Variants in SMARCA1 observed in about 807,000 individuals in gnomAD.
SMARCA1 encodes SWI/SNF-related matrix-associated actin-dependent regulator of chromatin subfamily A member 1.
SMARCA1 carries 17 observed loss-of-function variants against 93.6 expected under a neutral mutation model. That is an observed-to-expected ratio of 0.18 (90% CI 0.12 to 0.27). The LOEUF is 0.27. Among genes scored for constraint, SMARCA1 ranks in the 10% least tolerant of loss-of-function variants. The pLI is 1.00. For synonymous variants in SMARCA1, 271 were observed against 271.4 expected (o/e 1.00, Z 0.01); for missense variants, 630 against 819.0 (o/e 0.77, Z 2.82).
intron 6 of SMARCA1, among the ~76,000 whole-genome samples, chrX:129,510,757 T>C (rs1421020503): frequency 3.6e-5 from 4 of 111,818 alleles, no homozygotes; most frequent in African/African-American, 1.3e-4. Context: ...GCAAAGTTTA[T>C]ATGGAGTGGT....
At chrX:129,514,748 C>T (rs1935131452) in intron 5 of SMARCA1, among the ~76,000 whole-genome samples, 1 of 111,444 alleles carries the variant, frequency 9.0e-6, no homozygotes, top group Non-Finnish European at 1.9e-5. Context: ...ACAGGGCAGA[C>T]CATTAAAGGT....
At chrX:129,499,885 A>G (rs754558914) in intron 9 of SMARCA1, 44 bp from the exon 10 acceptor site, 7 of 602,870 alleles carry the variant, frequency 1.2e-5, no homozygotes, top group East Asian at 3.8e-5. Flanking sequence ...AACATTTAAT[A>G]TGATTAATAA....
At chrX:129,494,601 G>A (rs926911096) in intron 12 of SMARCA1, among the ~76,000 whole-genome samples, 1 of 111,343 alleles carries the variant, frequency 9.0e-6, no homozygotes, top group African/African-American at 3.3e-5. Flanking sequence ...GGCTAAGAGA[G>A]AGTCCTTGTA....
chrX:129,468,802 T>A lies in SMARCA1; in HGVS notation c.2669A>T (p.Lys890Ile). 8.4e-7 allele frequency: 1 copy of A among 1,187,571 alleles called. No homozygotes were observed. Among genetic ancestry groups the A allele is most frequent in the South Asian group, 1.8e-5 (1 of 55,257 alleles). Residue 890 changes from lysine to isoleucine, a missense_variant, in exon 21 of 25, where the codon AAA becomes ATA. Lys to Ile is a moderately radical substitution (Grantham distance 102, BLOSUM62 -3). Around this residue, in one of 4 missense-constraint regions of SMARCA1, gnomAD observed 93 missense variants for 160.8 expected, o/e 0.58. Coordinates refer to ENST00000371121, the MANE Select transcript of SMARCA1 (RefSeq NM_001282874.2). ...ATACTCCATGACCTCCTCAGGGGAT[T>A]TGCCCTCTACCTCTCGAGCTATGTT... is the stretch of plus-strand genomic sequence containing the variant. The part of the protein sequence containing the change: ...IDNIAREVEG[K>I]SPEEVMEYSA...
intron 23 of SMARCA1, among the ~76,000 whole-genome samples, chrX:129,452,756 G>A (rs1431338648): frequency 8.9e-6 from 1 of 112,089 alleles, no homozygotes; most frequent in Non-Finnish European, 1.9e-5. Flanking sequence ...TAGGATCAAA[G>A]TACAGGCGTA....
chrX:129,494,096 G>A (rs1383336242), intron 12 of SMARCA1, among the ~76,000 whole-genome samples: 1 of 112,181 alleles, frequency 8.9e-6, no homozygotes, highest in Non-Finnish European at 1.9e-5. Flanking sequence ...GAAATTCAGA[G>A]TCTCTGAGGG....
At position 129,489,024 on chromosome X, in the gene SMARCA1, C is replaced by T; in HGVS notation, c.2010G>A (p.Arg670=). ...LAKEEMLQMI[R]HGATHVFASK... ...AAGCAAAAACATGGGTGGCTCCATG[C>T]CGTATCATTTGTAACATTTCCTCTT... The change falls in exon 16 of 25, where the codon CGG becomes CGA. Residue 670 remains arginine, a synonymous_variant. Coordinates refer to ENST00000371121, the MANE Select transcript of SMARCA1 (RefSeq NM_001282874.2). 8.5e-7 allele frequency: 1 copy of T among 1,174,251 alleles called. No homozygotes were observed. Among genetic ancestry groups the T allele is most frequent in the African/African-American group, 1.7e-5 (1 of 57,251 alleles).
chrX:129,493,182 A>C (rs12835315), intron 12 of SMARCA1, 107 bp from the exon 13 acceptor site: 46,274 of 328,542 alleles, frequency 0.14, 2,652 homozygotes, highest in East Asian at 0.25. Context: ...GATCAAGAAT[A>C]GGGGGATGAA....
At chrX:129,467,376 T>C (rs906965719) in intron 21 of SMARCA1, among the ~76,000 whole-genome samples, 2 of 111,721 alleles carry the variant, frequency 1.8e-5, no homozygotes, top group African/African-American at 6.5e-5. Flanking sequence ...TCTCCCTGCC[T>C]ATCTTCTGAA....
At chrX:129,522,394 T>C (rs902998252) in intron 1 of SMARCA1, among the ~76,000 whole-genome samples, 1 of 108,930 alleles carries the variant, frequency 9.2e-6, no homozygotes, top group African/African-American at 3.3e-5. Flanking sequence ...CCTGGAAAGC[T>C]TGGGGCCGGA....
At position 129,507,936 on chromosome X, in the gene SMARCA1, C is replaced by A; in HGVS notation, c.966+5G>T. ...TAAACTTTAATAAAGATATTGATAACTTACCTTAGATTTTTCATTCTTTAT... is the reference window on the plus strand; with the variant it reads ...TAAACTTTAATAAAGATATTGATAAATTACCTTAGATTTTTCATTCTTTAT... On this transcript the variant is annotated splice_donor_5th_base_variant and intron_variant, in intron 7 of 24. Transcript: ENST00000371121. 2 of 1,112,887 alleles carry A rather than the reference C, an allele frequency of 1.8e-6. No individual in the cohort carries two copies. The highest frequency in any genetic ancestry group is 2.4e-6 in the Non-Finnish European group (2 of 832,695). The allele number at this position is 1,112,887 out of a possible 1,213,427, so 91.7% of individuals were successfully genotyped here. A position where few individuals can be genotyped will look rare whatever the true frequency, so the allele number is the denominator to read the frequency against.
intron 6 of SMARCA1, among the ~76,000 whole-genome samples, chrX:129,511,015 T>C (rs993012534): frequency 8.9e-6 from 1 of 111,877 alleles, no homozygotes; most frequent in Non-Finnish European, 1.9e-5. Context: ...AGATAACCTA[T>C]CTAAATATGG....
intron 6 of SMARCA1, among the ~76,000 whole-genome samples, chrX:129,509,501 G>C (rs771005879): frequency 8.9e-6 from 1 of 111,734 alleles, no homozygotes; most frequent in African/African-American, 3.3e-5. Context: ...CCATTCAGTC[G>C]TGCTAACACC....
At chrX:129,513,703 C>T (rs1279403923) in intron 5 of SMARCA1, among the ~76,000 whole-genome samples, 1 of 108,757 alleles carries the variant, frequency 9.2e-6, no homozygotes, top group Non-Finnish European at 1.9e-5. Context: ...TAATCCTGGT[C>T]CTTCCATTGT....
Position 129,523,320 on chromosome X carries a change from C to G in SMARCA1, c.51G>C (p.Ala17=). Residue 17 remains alanine (A), a synonymous_variant, in exon 1 of 25, where the codon GCG becomes GCC. Transcript: ENST00000371121. The stretch of plus-strand genomic sequence containing the variant: ...CCTCTATGACCACGATAGTGGCGGT[C>G]GCATCCGCGGCTGCCACGGTGGCTG... ...AVAATVAAAD[A]TATIVVIEDE... is the part of the protein sequence containing the mutation. 8.3e-7 allele frequency: 1 copy of G among 1,202,316 alleles called. No homozygotes were observed. The highest frequency in any genetic ancestry group is 1.1e-6 in the Non-Finnish European group (1 of 892,468).
chrX:129,494,162 A>G (rs1934229827), intron 12 of SMARCA1, among the ~76,000 whole-genome samples: 1 of 111,762 alleles, frequency 8.9e-6, no homozygotes, highest in African/African-American at 3.3e-5. Context: ...AAATAGGTAA[A>G]CAGTAGACAG....
At chrX:129,476,762 G>A (rs1291569133) in intron 19 of SMARCA1, among the ~76,000 whole-genome samples, 1 of 111,826 alleles carries the variant, frequency 8.9e-6, no homozygotes, top group African/African-American at 3.2e-5. Context: ...AAGGTGCAAG[G>A]GGGAAATAAA....
chrX:129,450,258 C>T (rs1024834322), intron 23 of SMARCA1, among the ~76,000 whole-genome samples: 2 of 111,948 alleles, frequency 1.8e-5, no homozygotes, highest in African/African-American at 3.2e-5. Flanking sequence ...TTTCTCTGCA[C>T]GCACTCCAAC....
chrX:129,450,636 G>C (rs1364267909), intron 23 of SMARCA1, among the ~76,000 whole-genome samples: 2 of 111,389 alleles, frequency 1.8e-5, no homozygotes, highest in Non-Finnish European at 3.8e-5. Context: ...TAAAATTTTG[G>C]TAATCTGGAA....
Sources: allele counts gnomAD v4.1 joint callset (sites outside exome capture counted in the v4.1 genomes callset), GRCh38; gene constraint gnomAD v4.1.1; regional missense constraint gnomAD v4.1.1; transcripts MANE v1.5; gene names NCBI Gene and HGNC (gene_info 2026-07-23, HGNC 2026-07-21).